The following ACSM6 variants were observed in gnomAD, a reference collection of about 807,000 sequenced individuals.
The protein encoded by ACSM6 is acyl-CoA synthetase medium chain family member 6.
A neutral mutation model predicts 51.1 loss-of-function variants in ACSM6; 35 were observed. That is an observed-to-expected ratio of 0.69 (90% CI 0.52 to 0.91). The LOEUF (loss-of-function observed/expected upper bound fraction) is 0.91, where lower values mean the gene tolerates loss of function less well. Ranked by LOEUF, ACSM6 falls within the 40% of genes least tolerant of loss-of-function variation. ACSM6 has a pLI of 0.00. For synonymous variants in ACSM6, 172 were observed against 207.3 expected (o/e 0.83, Z 1.46); for missense variants, 509 against 584.1 (o/e 0.87, Z 1.32).
rs149215785 is a variant in ACSM6 at position 95,201,021 on chromosome 10, T to C, written c.193-964T>C. Among the ~76,000 whole-genome samples the C allele has an allele frequency of 1.1e-3, 173 of 152,228 alleles. 2 individuals carry two copies. The highest frequency in any genetic ancestry group is 2.0e-3 in the Non-Finnish European group (139 of 68,010). On this transcript the variant is annotated intron_variant, in intron 2 of 10. Coordinates refer to ENST00000341686, the Ensembl canonical transcript of ACSM6. ...TCATCCATGCATTCACTAAGAGGTA[T>C]TGGAAATTAAATTCTTTCCCCTTCA...
chr10:95,222,538 A>T (rs2035003339), intron 9 of ACSM6, among the ~76,000 whole-genome samples: 1 of 151,586 alleles, frequency 6.6e-6, no homozygotes. Flanking sequence ...CAGGAGAATC[A>T]CTTGAACGCG....
At chr10:95,217,951 G>A (rs1232363947) in intron 8 of ACSM6, among the ~76,000 whole-genome samples, 1 of 152,236 alleles carries the variant, frequency 6.6e-6, no homozygotes, top group East Asian at 1.9e-4. Flanking sequence ...CTCAGATTCT[G>A]TCTATACTAC....
intron 3 of ACSM6, among the ~76,000 whole-genome samples, chr10:95,206,373 T>C (rs964711571): frequency 2.0e-5 from 3 of 152,248 alleles, no homozygotes; most frequent in Non-Finnish European, 4.4e-5. Flanking sequence ...TGTGTAAATA[T>C]ATATACTATA....
At chr10:95,199,281 G>C (rs1275580037) in intron 2 of ACSM6, among the ~76,000 whole-genome samples, 1 of 152,158 alleles carries the variant, frequency 6.6e-6, no homozygotes, top group African/African-American at 2.4e-5. Context: ...ATGGTGCTGG[G>C]AAAACTGGCT....
chr10:95,196,531 A>C (rs2133367390), intron 2 of ACSM6, among the ~76,000 whole-genome samples: 1 of 152,340 alleles, frequency 6.6e-6, no homozygotes, highest in East Asian at 1.9e-4. Flanking sequence ...TTTAATATGG[A>C]ATATTACCCA....
At chr10:95,218,533 T>A (rs993429929) in intron 8 of ACSM6, among the ~76,000 whole-genome samples, 4 of 152,214 alleles carry the variant, frequency 2.6e-5, no homozygotes, top group Non-Finnish European at 5.9e-5. Flanking sequence ...TGTTCTCTGA[T>A]GAGTTTCTTC....
At chr10:95,219,456 C>A (rs561601968) in intron 8 of ACSM6, among the ~76,000 whole-genome samples, 1 of 152,332 alleles carries the variant, frequency 6.6e-6, no homozygotes, top group East Asian at 1.9e-4. Flanking sequence ...ATATCTACCA[C>A]TGACATTTTC....
At chr10:95,218,851 G>A (rs947645258) in intron 8 of ACSM6, among the ~76,000 whole-genome samples, 4 of 149,676 alleles carry the variant, frequency 2.7e-5, no homozygotes, top group African/African-American at 9.9e-5. Flanking sequence ...AGATTACTAT[G>A]GCCATCCTCA....
chr10:95,213,074 A>G (rs566310621), intron 7 of ACSM6, 134 bp downstream of exon 7: 3 of 681,812 alleles, frequency 4.4e-6, no homozygotes, highest in South Asian at 3.7e-5. Flanking sequence ...CATTCATGAC[A>G]ACAACTCCAT....
At chr10:95,204,543 G>C (rs2034824743) in intron 3 of ACSM6, among the ~76,000 whole-genome samples, 1 of 151,956 alleles carries the variant, frequency 6.6e-6, no homozygotes, top group Admixed American at 6.6e-5. Flanking sequence ...GCCAGAATGA[G>C]ACTCTGTCTA....
exon 6 of ACSM6, chr10:95,211,955 C>T (rs1482954836): frequency 8.1e-6 from 13 of 1,613,924 alleles, no homozygotes; most frequent in East Asian, 2.2e-5. Context: ...TCCCTGAGCG[C>T]TGTCTTGGGA....
rs567074599 is a variant in ACSM6 at position 95,207,495 on chromosome 10, G to A, written c.611+80G>A. ...AGATGATGATATATGAGAAAGTGGT[G>A]TGAGTGGTCAGAATGAAAAGCTGAA... On this transcript the variant is annotated intron_variant, in intron 4 of 10. Coordinates refer to ENST00000341686, the Ensembl canonical transcript of ACSM6. 15 of 1,425,248 alleles carry A rather than the reference G, an allele frequency of 1.1e-5. 1 individual carries two copies. The South Asian group carries it at 1.5e-4, about 14-fold the overall frequency. The allele number at this position is 1,425,248 out of a possible 1,614,324, so 88.3% of individuals were successfully genotyped here.
In ACSM6 at chr10:95,225,273, T is replaced by G. The variant is rs1223309501; in HGVS notation, c.1201-17T>G. On this transcript the variant is annotated splice_polypyrimidine_tract_variant and intron_variant, in intron 9 of 10. Coordinates refer to ENST00000341686, the Ensembl canonical transcript of ACSM6. ...TGGTTTGTAAGGAAAATTCCTTTAGTGATTATCTAATTTCAGATTGTGGAT... is the reference window on the plus strand; with the variant it reads ...TGGTTTGTAAGGAAAATTCCTTTAGGGATTATCTAATTTCAGATTGTGGAT... 6.6e-6 allele frequency: 10 copies of G among 1,517,156 alleles called. No individual in the cohort carries two copies. In the East Asian group the frequency reaches 2.5e-4, roughly 37 times the overall value. The allele number at this position is 1,517,156 out of a possible 1,614,324, so 94.0% of individuals were successfully genotyped here. A position where few individuals can be genotyped will look rare whatever the true frequency, so the allele number is the denominator to read the frequency against.
chr10:95,227,459 T>C (rs1374540941), intron 10 of ACSM6, among the ~76,000 whole-genome samples: 2 of 152,218 alleles, frequency 1.3e-5, no homozygotes, highest in Non-Finnish European at 2.9e-5. Context: ...TCGTGGAGTT[T>C]TTGAGTTAAA....
At chr10:95,202,189 C>T (rs201176783) in exon 3 of ACSM6, 11 of 1,551,704 alleles carry the variant, frequency 7.1e-6, no homozygotes, top group East Asian at 2.4e-5. Flanking sequence ...GGCCTGTGTG[C>T]GCTTGGGTGA....
intron 3 of ACSM6, among the ~76,000 whole-genome samples, chr10:95,203,225 C>A (rs1589491907): frequency 6.6e-6 from 1 of 152,190 alleles, no homozygotes; most frequent in Middle Eastern, 3.4e-3. Context: ...GAATTTAATG[C>A]CTGATCATCT....
At chr10:95,206,961 T>G (rs1405936868) in intron 3 of ACSM6, among the ~76,000 whole-genome samples, 1 of 152,122 alleles carries the variant, frequency 6.6e-6, no homozygotes, top group Non-Finnish European at 1.5e-5. Context: ...CCATATAAAC[T>G]CAGGACCTGA....
chr10:95,197,865 A>C (rs920480349), intron 2 of ACSM6, among the ~76,000 whole-genome samples: 3 of 152,382 alleles, frequency 2.0e-5, no homozygotes, highest in East Asian at 1.9e-4. Context: ...GACGATACCC[A>C]GCTTTCAAGG....
At chr10:95,212,085 C>T (rs371608528) in intron 6 of ACSM6, 51 bp downstream of exon 6, 5 of 1,604,064 alleles carry the variant, frequency 3.1e-6, no homozygotes, top group Non-Finnish European at 4.3e-6. Flanking sequence ...CAGAGAGAGG[C>T]ATTAGCAATG....
Sources: allele counts gnomAD v4.1 joint callset (sites outside exome capture counted in the v4.1 genomes callset), GRCh38; gene constraint gnomAD v4.1.1; transcripts MANE v1.5; gene names NCBI Gene and HGNC (gene_info 2026-07-23, HGNC 2026-07-21).